The following RRP15 variants were observed in gnomAD, a reference collection of about 807,000 sequenced individuals.
The protein encoded by RRP15 is ribosomal RNA processing 15 homolog.
In RRP15, 18 loss-of-function variants were observed where a neutral mutation model predicts 27.1. The ratio of observed to expected loss-of-function variants is 0.66; its 90% CI spans 0.46 to 0.98. RRP15 has a LOEUF of 0.98. Among genes scored for constraint, RRP15 ranks in the 50% least tolerant of loss-of-function variants. The pLI is 0.00. For synonymous variants in RRP15, 107 were observed against 109.4 expected (o/e 0.98, Z 0.14); for missense variants, 359 against 337.8 (o/e 1.06, Z -0.49).
intron 3 of RRP15, among the ~76,000 whole-genome samples, chr1:218,307,062 C>T (rs569600009): frequency 1.3e-5 from 2 of 152,246 alleles, no homozygotes; most frequent in South Asian, 4.1e-4. Flanking sequence ...TAGGATTTTA[C>T]AATGGTTTCA....
intron 1 of RRP15, among the ~76,000 whole-genome samples, chr1:218,299,688 C>T (rs773458113): frequency 3.3e-5 from 5 of 152,176 alleles, no homozygotes; most frequent in African/African-American, 4.8e-5. Context: ...TTTAAGCCAT[C>T]TTGCCTCCTT....
chr1:218,286,487 C>T (rs1311885365), intron 1 of RRP15, among the ~76,000 whole-genome samples: 1 of 152,210 alleles, frequency 6.6e-6, no homozygotes, highest in Non-Finnish European at 1.5e-5. Flanking sequence ...TTGTCCCTGA[C>T]TACCCTATGT....
intron 1 of RRP15, among the ~76,000 whole-genome samples, chr1:218,290,823 G>C (rs1220579241): frequency 3.3e-5 from 5 of 152,172 alleles, no homozygotes; most frequent in Non-Finnish European, 7.3e-5. Flanking sequence ...ATGGTTTTCA[G>C]AAAGAAAGTG....
intron 4 of RRP15, among the ~76,000 whole-genome samples, chr1:218,310,666 A>G (rs1655980497): frequency 6.6e-6 from 1 of 152,112 alleles, no homozygotes; most frequent in Admixed American, 6.5e-5. Context: ...GAAATTTCAT[A>G]TTTCTTCAAG....
intron 1 of RRP15, among the ~76,000 whole-genome samples, chr1:218,300,495 C>G (rs1192427759): frequency 6.6e-6 from 1 of 152,100 alleles, no homozygotes; most frequent in Non-Finnish European, 1.5e-5. Context: ...GCCCAAATTG[C>G]AAGTATTGTA....
intron 4 of RRP15, among the ~76,000 whole-genome samples, chr1:218,328,819 T>C (rs1316195971): frequency 1.3e-5 from 2 of 152,152 alleles, no homozygotes; most frequent in Non-Finnish European, 2.9e-5. Flanking sequence ...AAACACTCTG[T>C]GTTGAGTCAG....
At chr1:218,306,891 A>C (rs1341520273) in intron 3 of RRP15, among the ~76,000 whole-genome samples, 1 of 152,238 alleles carries the variant, frequency 6.6e-6, no homozygotes, top group African/African-American at 2.4e-5. Context: ...TTTCATTTAC[A>C]GCACATGGCA....
In RRP15 at chr1:218,328,445, G is replaced by T. The variant is rs575056955; in HGVS notation, c.706-2503G>T. ...TGGGAGGCCAAGGCGGGCAGATCAT[G>T]AAGTCAGGAGATTGAGACCATCCTG... On this transcript the variant is annotated intron_variant, in intron 4 of 4. Transcript: ENST00000366932. Among the ~76,000 whole-genome samples, 17 of 152,202 alleles carry T rather than the reference G, an allele frequency of 1.1e-4. No individual in the cohort carries two copies. The South Asian group carries it at 2.9e-3, about 26-fold the overall frequency.
intron 4 of RRP15, among the ~76,000 whole-genome samples, chr1:218,316,531 A>T (rs1398985356): frequency 6.6e-6 from 1 of 152,142 alleles, no homozygotes; most frequent in Non-Finnish European, 1.5e-5. Context: ...ATTTGTGGGG[A>T]TATATAACAC....
chr1:218,290,368 G>A (rs1655619493), intron 1 of RRP15, among the ~76,000 whole-genome samples: 1 of 152,150 alleles, frequency 6.6e-6, no homozygotes, highest in South Asian at 2.1e-4. Flanking sequence ...ACAGTTTTAG[G>A]CTCCTGTGAG....
chr1:218,297,340 A>G (rs969660221), intron 1 of RRP15, among the ~76,000 whole-genome samples: 1 of 151,988 alleles, frequency 6.6e-6, no homozygotes, highest in African/African-American at 2.4e-5. Context: ...CTCCTTCTCT[A>G]CCACAGCCAC....
Position 218,330,976 on chromosome 1 carries a change from G to A in RRP15, c.734G>A (p.Gly245Asp). 1 of 1,613,144 alleles carries A rather than the reference G, an allele frequency of 6.2e-7. No homozygotes were observed. The highest frequency in any genetic ancestry group is 1.1e-5 in the South Asian group (1 of 90,990). ...QTEVKSEEGP[G>D]WTILRDDFMM... ...GAAGTGAAATCAGAAGAAGGCCCAG[G>A]TTGGACGATCCTACGTGATGATTTC... Residue 245 changes from glycine to aspartate, a missense_variant, in exon 5 of 5, where the codon GGT becomes GAT. Gly to Asp is a moderately conservative substitution (Grantham distance 94). Transcript: ENST00000366932.
At chr1:218,297,962 A>G (rs1001771579) in intron 1 of RRP15, among the ~76,000 whole-genome samples, 5 of 152,250 alleles carry the variant, frequency 3.3e-5, no homozygotes, top group African/African-American at 1.2e-4. Flanking sequence ...AATTTTTACC[A>G]TCCAATTCTC....
intron 3 of RRP15, among the ~76,000 whole-genome samples, chr1:218,306,020 T>C (rs999531822): frequency 1.3e-5 from 2 of 152,158 alleles, no homozygotes; most frequent in African/African-American, 4.8e-5. Flanking sequence ...GATTAATACA[T>C]ATACAGAACT....
At chr1:218,329,848 A>G (rs1656338231) in intron 4 of RRP15, among the ~76,000 whole-genome samples, 1 of 152,012 alleles carries the variant, frequency 6.6e-6, no homozygotes, top group Admixed American at 6.6e-5. Context: ...AAATGGAATG[A>G]ATGTTTCAGG....
chr1:218,328,283 C>T (rs1199154423), intron 4 of RRP15, among the ~76,000 whole-genome samples: 1 of 152,232 alleles, frequency 6.6e-6, no homozygotes, highest in Non-Finnish European at 1.5e-5. Flanking sequence ...TCAAGACAAG[C>T]ATGCAATATA....
At chr1:218,290,564 C>A (rs995260130) in intron 1 of RRP15, among the ~76,000 whole-genome samples, 1 of 152,168 alleles carries the variant, frequency 6.6e-6, no homozygotes, top group African/African-American at 2.4e-5. Context: ...GCCTGTTAGG[C>A]TCAAGCCATC....
intron 4 of RRP15, among the ~76,000 whole-genome samples, chr1:218,324,256 G>A (rs1445219674): frequency 6.6e-6 from 1 of 152,170 alleles, no homozygotes; most frequent in East Asian, 1.9e-4. Context: ...AGGTGCAGGT[G>A]GCATGGCCCC....
Position 218,325,935 on chromosome 1 carries a change from G to A in RRP15, c.706-5013G>A, listed in dbSNP as rs551541079. 5.3e-5 allele frequency among the ~76,000 whole-genome samples: 8 copies of A among 152,052 alleles called. No homozygotes were observed. The South Asian group carries it at 1.7e-3, about 32-fold the overall frequency. On this transcript the variant is annotated intron_variant, in intron 4 of 4. Transcript: ENST00000366932. The stretch of plus-strand genomic sequence containing the variant: ...AGCGTTATCTTCTGACTTTTATAAT[G>A]TGGTTTTTTGTTTTGTTTCTTCCAC...
Sources: gnomAD v4.1 joint callset for allele counts (sites outside exome capture counted in the v4.1 genomes callset) on GRCh38, gnomAD v4.1.1 for gene constraint, MANE v1.5 for transcripts, NCBI Gene and HGNC (gene_info 2026-07-23, HGNC 2026-07-21) for gene names.